PCNT: variants seen among roughly 807,000 people sequenced by gnomAD.
PCNT encodes pericentrin.
PCNT carries 319 observed loss-of-function variants against 380.4 expected under a neutral mutation model. The ratio of observed to expected loss-of-function variants is 0.84; its 90% CI spans 0.77 to 0.92. The LOEUF (loss-of-function observed/expected upper bound fraction) is 0.92. Ranked by LOEUF, PCNT falls within the 40% of genes least tolerant of loss-of-function variation. The probability of loss-of-function intolerance (pLI) is 0.00; values close to 1 mark genes in which losing one functional copy is unlikely to be tolerated. For synonymous variants in PCNT, 1,845 were observed against 1,735.2 expected (o/e 1.06, Z -1.57); for missense variants, 4,400 against 4,255.3 (o/e 1.03, Z -0.95).
chr21:46,400,083 A>G (rs544692203), intron 25 of PCNT, among the ~76,000 whole-genome samples: 48 of 152,362 alleles, frequency 3.2e-4, no homozygotes, highest in African/African-American at 1.1e-3. Flanking sequence ...TAAAGTAAAC[A>G]TTTAAGATTT....
chr21:46,441,779 C>T (rs1036734675), intron 43 of PCNT, among the ~76,000 whole-genome samples: 3 of 152,070 alleles, frequency 2.0e-5, no homozygotes, highest in Non-Finnish European at 4.4e-5. Flanking sequence ...CAGATCCTAC[C>T]TCCTGTCGAG....
rs142800774 is a variant in PCNT at position 46,444,706 on chromosome 21, C to T, written c.9852C>T (p.Ser3284=). ...SPHSGGRATP[S]PNSRLERSLT... is the part of the protein sequence containing the mutation. ...AATTTGTTTGAAGAGCCACTCCATC[C>T]CCAAATTCAAGATTAGAAAGATCCC... is the stretch of plus-strand genomic sequence containing the variant. Residue 3284 remains serine, a synonymous_variant, in exon 46 of 47, where the codon TCC becomes TCT. Coordinates refer to ENST00000359568, the MANE Select transcript of PCNT (RefSeq NM_006031.6). 3.0e-4 allele frequency: 481 copies of T among 1,612,770 alleles called. No homozygotes were observed. The highest frequency in any genetic ancestry group is 4.0e-4 in the Non-Finnish European group (475 of 1,179,522).
At chr21:46,324,742 C>T (rs924547575) in intron 1 of PCNT, 1 of 355,970 alleles carries the variant, frequency 2.8e-6, no homozygotes, top group Non-Finnish European at 3.9e-6. Context: ...CTGGGGCGGG[C>T]GGCCGGTATT....
Position 46,421,240 on chromosome 21 carries a change from C to T in PCNT, c.7025-730C>T, listed in dbSNP as rs1032039623. On this transcript the variant is annotated intron_variant, in intron 31 of 46. Coordinates refer to ENST00000359568, the MANE Select transcript of PCNT (RefSeq NM_006031.6). Reference sequence around the variant, plus strand: ...TCATCCCCCAGGTGCCCAAGTGCTGCAGCCTCCGCTCCCCAGGGAGCTTTG... The same window carrying T: ...TCATCCCCCAGGTGCCCAAGTGCTGTAGCCTCCGCTCCCCAGGGAGCTTTG... Among the ~76,000 whole-genome samples the T allele has an allele frequency of 1.1e-4, 17 of 152,356 alleles. 1 individual carries two copies. The South Asian group carries it at 3.5e-3, about 32-fold the overall frequency.
At chr21:46,444,908 C>T in intron 46 of PCNT, 87 bp downstream of exon 46, 1 of 1,289,616 alleles carries the variant, frequency 7.8e-7, no homozygotes, top group South Asian at 1.2e-5. Flanking sequence ...GGCTGGTATT[C>T]AGCTTAGTAA....
intron 9 of PCNT, among the ~76,000 whole-genome samples, chr21:46,352,107 C>T (rs1178480370): frequency 6.6e-6 from 1 of 152,246 alleles, no homozygotes; most frequent in Non-Finnish European, 1.5e-5. Flanking sequence ...CTGGCCAAGC[C>T]CAATTCAGGC....
chr21:46,324,334 C>CACCGGAGCCGCCCTTA, intron 1 of PCNT, 52 bp downstream of exon 1: 2 of 1,450,442 alleles, frequency 1.4e-6, no homozygotes, highest in Non-Finnish European at 1.9e-6. Context: ...GTCCTAAGGG[C>CACCGGAGCCGCCCTTA]GGCTCCGGTG....
chr21:46,439,399 C>A (rs2053549346), intron 41 of PCNT, among the ~76,000 whole-genome samples: 1 of 152,120 alleles, frequency 6.6e-6, no homozygotes, highest in South Asian at 2.1e-4. Flanking sequence ...TGCAGTGGAG[C>A]AGTCACAGCT....
At chr21:46,383,253 C>A (rs2085655815) in intron 16 of PCNT, among the ~76,000 whole-genome samples, 1 of 146,614 alleles carries the variant, frequency 6.8e-6, no homozygotes, top group South Asian at 2.3e-4. Context: ...GTTGTATATT[C>A]AGTGATGGAA....
At position 46,440,194 on chromosome 21, in the gene PCNT, A is replaced by G. The variant is rs2053569984; in HGVS notation, c.9385A>G (p.Asn3129Asp). The G allele has an allele frequency of 6.2e-7, 1 of 1,614,128 alleles. No individual in the cohort carries two copies. Among genetic ancestry groups the G allele is most frequent in the Non-Finnish European group, 8.5e-7 (1 of 1,180,028 alleles). Reference protein sequence around the residue: ...PAASEEAHTSNVKMEKLYLHY... With the variant: ...PAASEEAHTSDVKMEKLYLHY... ...TGCCAGCGAGGAAGCACACACCAGC[A>G]ATGTCAAGGTAGGAACGGTGCCACG... is the stretch of plus-strand genomic sequence containing the variant. The change falls in exon 42 of 47, where the codon AAT becomes GAT. Residue 3129 changes from asparagine to aspartate, a missense_variant. By Grantham distance (23) the Asn-to-Asp change is conservative. Coordinates refer to ENST00000359568, the MANE Select transcript of PCNT (RefSeq NM_006031.6).
chr21:46,326,396 G>C lies in PCNT; in HGVS notation c.74G>C (p.Arg25Thr). ...GCGCAGCTTGCTCACTTCCGACAGA[G>C]AAAAACAAAAGGTGACAGTTCGCAT... is the stretch of plus-strand genomic sequence containing the variant. ...GRTKLAHFRQ[R>T]KTKGDSSHSE... Residue 25 changes from arginine to threonine, a missense_variant, in exon 2 of 47, where the codon AGA becomes ACA. By Grantham distance (71) the Arg-to-Thr change is moderately conservative. Coordinates refer to ENST00000359568, the MANE Select transcript of PCNT (RefSeq NM_006031.6). The C allele has an allele frequency of 6.2e-7, 1 of 1,614,188 alleles. No individual in the cohort carries two copies. Among genetic ancestry groups the C allele is most frequent in the Admixed American group, 1.7e-5 (1 of 60,022 alleles).
At chr21:46,432,782 G>A (rs1336721436) in intron 38 of PCNT, among the ~76,000 whole-genome samples, 3 of 152,014 alleles carry the variant, frequency 2.0e-5, no homozygotes, top group South Asian at 4.1e-4. Context: ...ATGCCACCAC[G>A]CCTGGCTAAT....
chr21:46,391,003 C>T lies in PCNT; in HGVS notation c.4004-161C>T, dbSNP rs1442996595. 3.9e-5 allele frequency among the ~76,000 whole-genome samples: 6 copies of T among 152,298 alleles called. No homozygotes were observed. The South Asian group carries it at 8.3e-4, about 21-fold the overall frequency. On this transcript the variant is annotated intron_variant, in intron 20 of 46. Coordinates refer to ENST00000359568, the MANE Select transcript of PCNT (RefSeq NM_006031.6). Reference sequence around the variant, plus strand: ...GGAATGGGGTGGTCGGGAGCTGCTGCGGCCAGCAGGGCTGTTGGAGGCCTA... The same window carrying T: ...GGAATGGGGTGGTCGGGAGCTGCTGTGGCCAGCAGGGCTGTTGGAGGCCTA...
chr21:46,396,953 G>A (rs530308524), intron 21 of PCNT, among the ~76,000 whole-genome samples: 11 of 152,160 alleles, frequency 7.2e-5, no homozygotes, highest in Non-Finnish European at 1.0e-4. Context: ...CCCTAGACAC[G>A]TCACAACCCC....
chr21:46,400,848 T>A (rs2147478222), intron 25 of PCNT, among the ~76,000 whole-genome samples: 1 of 152,228 alleles, frequency 6.6e-6, no homozygotes, highest in Middle Eastern at 3.4e-3. Flanking sequence ...TAAGTGCTGA[T>A]GAGAATTATT....
At chr21:46,389,099 C>A in intron 18 of PCNT, 100 bp from the exon 19 acceptor site, 1 of 1,342,268 alleles carries the variant, frequency 7.5e-7, no homozygotes, top group Non-Finnish European at 1.0e-6. Context: ...TCGGCTGGGG[C>A]GACGTTCTGA....
chr21:46,428,314 T>G, intron 34 of PCNT, 81 bp from the exon 35 acceptor site: 4 of 1,317,912 alleles, frequency 3.0e-6, no homozygotes, highest in Middle Eastern at 2.0e-4. Context: ...GCGGAGCTGG[T>G]TTTGAGGGCG....
At chr21:46,426,087 TTTTTTTTTTG>T in intron 33 of PCNT, 116 bp downstream of exon 33, 1 of 1,185,738 alleles carries the variant, frequency 8.4e-7, no homozygotes, top group African/African-American at 1.8e-5. Flanking sequence ...TTTTTTTTTT[TTTTTTTTTTG>T]AGACTCGGCT....
chr21:46,358,925 C>T (rs1161385714), intron 13 of PCNT, among the ~76,000 whole-genome samples: 10 of 152,116 alleles, frequency 6.6e-5, no homozygotes, highest in Non-Finnish European at 1.0e-4. Flanking sequence ...CTCAGCCTCC[C>T]GAGTAGCTGG....
Sources: allele counts gnomAD v4.1 joint callset (sites outside exome capture counted in the v4.1 genomes callset), GRCh38; gene constraint gnomAD v4.1.1; transcripts MANE v1.5; gene names NCBI Gene and HGNC (gene_info 2026-07-23, HGNC 2026-07-21).